PARD3: variants seen among roughly 807,000 people sequenced by gnomAD.
PARD3 encodes the protein par-3 family cell polarity regulator.
Under a neutral mutation model 155.4 loss-of-function variants are expected in PARD3, and 75 were observed. The ratio of observed to expected loss-of-function variants is 0.48; its 90% CI spans 0.40 to 0.58. The LOEUF (loss-of-function observed/expected upper bound fraction) is 0.58, where lower values mean the gene tolerates loss of function less well. PARD3 is among the 20% of genes least tolerant of loss of function. PARD3 has a pLI of 0.00. For missense variants in PARD3, 1,642 were observed against 1,721.7 expected, an observed-to-expected ratio of 0.95 and a Z score of 0.82; for synonymous variants, 576 against 610.5, an observed-to-expected ratio of 0.94 and a Z score of 0.83.
intron 2 of PARD3, among the ~76,000 whole-genome samples, chr10:34,689,180 T>A (rs963329031): frequency 6.6e-6 from 1 of 152,190 alleles, no homozygotes; most frequent in African/African-American, 2.4e-5. Flanking sequence ...GCAAAACAAG[T>A]GTCAAAATCC....
intron 2 of PARD3, among the ~76,000 whole-genome samples, chr10:34,599,038 CA>C (rs1252863785): frequency 6.6e-6 from 1 of 152,098 alleles, no homozygotes; most frequent in Admixed American, 6.6e-5. Flanking sequence ...TAAACTGACC[CA>C]ATCAACACAA....
chr10:34,125,989 A>T (rs1199257474), intron 23 of PARD3, among the ~76,000 whole-genome samples: 1 of 152,258 alleles, frequency 6.6e-6, no homozygotes, highest in Non-Finnish European at 1.5e-5. Flanking sequence ...TAAAAGCAAC[A>T]CTAAGTCCTG....
In PARD3 at chr10:34,687,846, C is replaced by CTTTTTTTTTT. The variant is rs397846339; in HGVS notation, c.222+8462_222+8471dup. Among the ~76,000 whole-genome samples the CTTTTTTTTTT allele has an allele frequency of 8.1e-3, 518 of 63,710 alleles. 113 individuals carry two copies. The highest frequency in any genetic ancestry group is 0.018 in the East Asian group (33 of 1,788). 41.8% of individuals were successfully genotyped at this position (63,710 alleles called of 152,430 possible). On this transcript the variant is annotated intron_variant, in intron 2 of 24. Transcript: ENST00000374788. ...ATGCCCGGTCAGTTACACCTGAAAT[C>CTTTTTTTTTT]TTTTTTTTTTTTTTTTTTTTTTTTT... is the stretch of plus-strand genomic sequence containing the variant.
chr10:34,584,816 G>A (rs2087851830), intron 2 of PARD3, among the ~76,000 whole-genome samples: 1 of 152,096 alleles, frequency 6.6e-6, no homozygotes, highest in Non-Finnish European at 1.5e-5. Context: ...TGTTTGATAT[G>A]TTTTCGTTAC....
At chr10:34,799,393 A>ATTTC (rs1842637585) in intron 1 of PARD3, among the ~76,000 whole-genome samples, 1 of 151,998 alleles carries the variant, frequency 6.6e-6, no homozygotes, top group Admixed American at 6.6e-5. Flanking sequence ...GAGATTGTAC[A>ATTTC]TTTCCAGCAA....
intron 1 of PARD3, among the ~76,000 whole-genome samples, chr10:34,764,051 G>A (rs949070722): frequency 1.3e-5 from 2 of 152,124 alleles, no homozygotes; most frequent in South Asian, 2.1e-4. Context: ...GTACAACACC[G>A]TGGGACTGCT....
intron 14 of PARD3, among the ~76,000 whole-genome samples, chr10:34,349,658 A>C (rs1325453343): frequency 6.7e-6 from 1 of 150,134 alleles, no homozygotes; most frequent in Non-Finnish European, 1.5e-5. Context: ...ATGGTTTTTA[A>C]ATTAACACAC....
intron 1 of PARD3, among the ~76,000 whole-genome samples, chr10:34,803,761 C>G (rs1843057286): frequency 6.6e-6 from 1 of 151,976 alleles, no homozygotes; most frequent in South Asian, 2.1e-4. Context: ...CGAGATCGCG[C>G]CATTGCACTC....
intron 20 of PARD3, among the ~76,000 whole-genome samples, chr10:34,309,572 AAAAAAAAAAG>A: frequency 1.5e-5 from 2 of 133,742 alleles, no homozygotes; most frequent in Non-Finnish European, 1.7e-5. Context: ...AAAAAAAAAA[AAAAAAAAAAG>A]GCAGACACAG....
intron 2 of PARD3, among the ~76,000 whole-genome samples, chr10:34,652,054 C>A (rs1339464518): frequency 1.3e-5 from 2 of 152,162 alleles, no homozygotes; most frequent in Non-Finnish European, 2.9e-5. Context: ...TCTCACTGAG[C>A]TCCCAAGCAA....
At chr10:34,379,391 C>T (rs1841595429) in intron 9 of PARD3, among the ~76,000 whole-genome samples, 1 of 152,086 alleles carries the variant, frequency 6.6e-6, no homozygotes, top group Non-Finnish European at 1.5e-5. Flanking sequence ...GGTGCTTGGA[C>T]TATTAATATT....
At chr10:34,666,639 C>G (rs73269436) in intron 2 of PARD3, among the ~76,000 whole-genome samples, 1 of 151,482 alleles carries the variant, frequency 6.6e-6, no homozygotes, top group African/African-American at 2.4e-5. Context: ...AGGGACAGGG[C>G]AGGCACACCT....
chr10:34,198,688 A>T (rs1951069915), intron 22 of PARD3, among the ~76,000 whole-genome samples: 1 of 152,162 alleles, frequency 6.6e-6, no homozygotes, highest in Admixed American at 6.5e-5. Flanking sequence ...GTTTTACAAC[A>T]GTCAACTGAA....
chr10:34,730,386 A>G (rs2094795252), intron 1 of PARD3, among the ~76,000 whole-genome samples: 1 of 152,230 alleles, frequency 6.6e-6, no homozygotes, highest in Admixed American at 6.5e-5. Context: ...TTTAAACTGC[A>G]CTGTACAGCT....
At chr10:34,482,707 A>G (rs1387325347) in intron 3 of PARD3, among the ~76,000 whole-genome samples, 1 of 152,224 alleles carries the variant, frequency 6.6e-6, no homozygotes, top group Non-Finnish European at 1.5e-5. Context: ...TACTTTCAGA[A>G]ACATACCTTA....
rs537743790 is a variant in PARD3, at chr10:34,654,294, T to C, written c.222+42024A>G. On this transcript the variant is annotated intron_variant, in intron 2 of 24. Transcript: ENST00000374788. Reference sequence around the variant, plus strand: ...AGCTAACATGTATAAGGTGATATCATATAACAATGTTTTCACCATCACAAC... The same window carrying C: ...AGCTAACATGTATAAGGTGATATCACATAACAATGTTTTCACCATCACAAC... 7.9e-5 allele frequency among the ~76,000 whole-genome samples: 12 copies of C among 152,246 alleles called. No homozygotes were observed. In the South Asian group the frequency reaches 2.3e-3, roughly 29 times the overall value.
intron 2 of PARD3, among the ~76,000 whole-genome samples, chr10:34,648,687 C>T (rs2092918628): frequency 6.6e-6 from 1 of 152,232 alleles, no homozygotes; most frequent in South Asian, 2.1e-4. Flanking sequence ...CTGCTCACCT[C>T]CTGCTGTGCA....
intron 1 of PARD3, among the ~76,000 whole-genome samples, chr10:34,767,618 A>C (rs577226755): frequency 6.6e-6 from 1 of 151,676 alleles, no homozygotes; most frequent in Non-Finnish European, 1.5e-5. Flanking sequence ...TTGTTTTTTG[A>C]GATGGAGTCT....
At chr10:34,121,182 G>A (rs1946981314) in intron 23 of PARD3, among the ~76,000 whole-genome samples, 1 of 152,208 alleles carries the variant, frequency 6.6e-6, no homozygotes, top group South Asian at 2.1e-4. Context: ...TATACCGCAT[G>A]GTATAGATCA....
Sources: allele counts gnomAD v4.1 joint callset (sites outside exome capture counted in the v4.1 genomes callset), GRCh38; gene constraint gnomAD v4.1.1; transcripts MANE v1.5; gene names NCBI Gene and HGNC (gene_info 2026-07-23, HGNC 2026-07-21).